The following COBL variants were observed in gnomAD, a reference collection of about 807,000 sequenced individuals.
COBL encodes the protein protein cordon-bleu.
A neutral mutation model predicts 98.8 loss-of-function variants in COBL; 51 were observed. That is an observed-to-expected ratio of 0.52 (90% CI 0.41 to 0.65). The LOEUF is 0.65. Among genes scored for constraint, COBL ranks in the 30% least tolerant of loss-of-function variants. The pLI is 0.00. For synonymous variants in COBL, 634 were observed against 651.7 expected (o/e 0.97, Z 0.41); for missense variants, 1,617 against 1,617.5 (o/e 1.00, Z 0.01).
chr7:51,027,613 C>G, intron 10 of COBL, 99 bp downstream of exon 10: 1 of 1,023,274 alleles, frequency 9.8e-7, no homozygotes, highest in Non-Finnish European at 1.5e-6. Context: ...TTATCCTAAT[C>G]CCGTCTCTCT....
At chr7:51,268,280 T>C (rs1023373053) in intron 1 of COBL, among the ~76,000 whole-genome samples, 6 of 152,162 alleles carry the variant, frequency 3.9e-5, no homozygotes, top group African/African-American at 1.2e-4. Flanking sequence ...TCCCAGTAAT[T>C]TGTCTAAAAG....
At chr7:51,104,076 G>C (rs574052865) in intron 6 of COBL, among the ~76,000 whole-genome samples, 1 of 152,364 alleles carries the variant, frequency 6.6e-6, no homozygotes, top group South Asian at 2.1e-4. Flanking sequence ...ATTCATTCTA[G>C]AAAGAGTTCC....
At chr7:51,175,849 T>C (rs1222467284) in intron 5 of COBL, among the ~76,000 whole-genome samples, 1 of 152,208 alleles carries the variant, frequency 6.6e-6, no homozygotes. Context: ...TAAGACTTGC[T>C]TATGGGCTCA....
chr7:51,264,150 A>G (rs1378732267), intron 1 of COBL, among the ~76,000 whole-genome samples: 1 of 152,140 alleles, frequency 6.6e-6, no homozygotes, highest in Non-Finnish European at 1.5e-5. Context: ...GCAGCCCCCA[A>G]GCCTCAGAAC....
At chr7:51,209,886 G>A (rs913391067) in intron 2 of COBL, among the ~76,000 whole-genome samples, 2 of 152,172 alleles carry the variant, frequency 1.3e-5, no homozygotes, top group African/African-American at 4.8e-5. Flanking sequence ...CAACTACTGT[G>A]ATCCTCTGTT....
intron 6 of COBL, among the ~76,000 whole-genome samples, chr7:51,120,738 G>A (rs1484228105): frequency 1.3e-5 from 2 of 151,982 alleles, no homozygotes; most frequent in African/African-American, 2.4e-5. Flanking sequence ...TGGCATTTGT[G>A]TATTTGTCTT....
intron 7 of COBL, among the ~76,000 whole-genome samples, chr7:51,084,619 T>G (rs1794022466): frequency 6.6e-6 from 1 of 152,038 alleles, no homozygotes; most frequent in Non-Finnish European, 1.5e-5. Context: ...TGCTCACAGA[T>G]AGTATAATTC....
intron 5 of COBL, among the ~76,000 whole-genome samples, chr7:51,166,287 G>T (rs190341710): frequency 6.6e-6 from 1 of 151,750 alleles, no homozygotes; most frequent in East Asian, 1.9e-4. Context: ...AACTAACACC[G>T]CAGAAATTCA....
intron 1 of COBL, among the ~76,000 whole-genome samples, chr7:51,230,784 C>T (rs1421152325): frequency 1.3e-5 from 2 of 152,252 alleles, no homozygotes; most frequent in Non-Finnish European, 2.9e-5. Context: ...CACCACACCC[C>T]TCATCGCCCA....
At chr7:51,261,923 G>C (rs910898040) in intron 1 of COBL, among the ~76,000 whole-genome samples, 11 of 152,212 alleles carry the variant, frequency 7.2e-5, no homozygotes, top group African/African-American at 2.4e-4. Context: ...ACTCCAACCT[G>C]GGCAACAAGA....
chr7:51,287,199 T>C (rs942602691), intron 1 of COBL, among the ~76,000 whole-genome samples: 1 of 152,116 alleles, frequency 6.6e-6, no homozygotes, highest in African/African-American at 2.4e-5. Flanking sequence ...TCCCGCAATA[T>C]ACCCATGTAA....
intron 6 of COBL, among the ~76,000 whole-genome samples, chr7:51,090,376 C>T (rs1794695182): frequency 1.3e-5 from 2 of 152,220 alleles, no homozygotes; most frequent in African/African-American, 4.8e-5. Context: ...GCCATTTCAC[C>T]TCAACTGTGA....
intron 8 of COBL, among the ~76,000 whole-genome samples, chr7:51,038,824 C>T (rs1398633507): frequency 1.3e-5 from 2 of 152,234 alleles, no homozygotes; most frequent in South Asian, 2.1e-4. Context: ...CCTTGCCAGC[C>T]AGACAGAGGG....
In COBL at chr7:51,195,087, T is replaced by C. The variant is rs1380620272; in HGVS notation, c.246-1498A>G. 1.3e-5 allele frequency among the ~76,000 whole-genome samples: 2 copies of C among 152,182 alleles called. 1 individual carries two copies. The highest frequency in any genetic ancestry group is 4.1e-4 in the South Asian group (2 of 4,828). On this transcript the variant is annotated intron_variant, in intron 2 of 12. Transcript: ENST00000265136. Reference sequence around the variant, plus strand: ...TTTCGGAGTCTTCGTCATAAAATTTTGACTGTTCCTATGTCCAGAATGGTA... The same window carrying C: ...TTTCGGAGTCTTCGTCATAAAATTTCGACTGTTCCTATGTCCAGAATGGTA...
At chr7:51,217,577 A>T (rs575586349) in intron 2 of COBL, among the ~76,000 whole-genome samples, 1 of 152,018 alleles carries the variant, frequency 6.6e-6, no homozygotes, top group Admixed American at 6.5e-5. Flanking sequence ...TCCTGACATC[A>T]GGTGATCCAC....
intron 2 of COBL, among the ~76,000 whole-genome samples, chr7:51,214,574 T>C (rs1314903862): frequency 6.6e-6 from 1 of 152,186 alleles, no homozygotes; most frequent in East Asian, 1.9e-4. Context: ...CCTTACTTCA[T>C]AATCTAGAGC....
intron 1 of COBL, among the ~76,000 whole-genome samples, chr7:51,240,948 G>A (rs1269025107): frequency 1.3e-5 from 2 of 152,208 alleles, no homozygotes; most frequent in Non-Finnish European, 2.9e-5. Context: ...AGCCTAGCAA[G>A]GGCTATCCCA....
chr7:51,220,240 G>C (rs1216507793), intron 1 of COBL, among the ~76,000 whole-genome samples: 1 of 152,146 alleles, frequency 6.6e-6, no homozygotes, highest in Admixed American at 6.5e-5. Flanking sequence ...GGTGCAGCAG[G>C]GTTTCGCCCG....
At chr7:51,042,517 A>G (rs1200622714) in intron 8 of COBL, among the ~76,000 whole-genome samples, 1 of 151,300 alleles carries the variant, frequency 6.6e-6, no homozygotes. Context: ...ATGCTACCAC[A>G]CTCAGCTAAT....
Sources: allele counts gnomAD v4.1 joint callset (sites outside exome capture counted in the v4.1 genomes callset), GRCh38; gene constraint gnomAD v4.1.1; transcripts MANE v1.5; gene names NCBI Gene and HGNC (gene_info 2026-07-23, HGNC 2026-07-21).